The following SPSB4 variants were observed in gnomAD, a reference collection of about 807,000 sequenced individuals.
SPSB4 encodes SPRY domain-containing SOCS box protein 4.
Under a neutral mutation model 20.9 loss-of-function variants are expected in SPSB4, and 21 were observed. The ratio of observed to expected loss-of-function variants is 1.01; its 90% CI spans 0.71 to 1.45. The LOEUF (loss-of-function observed/expected upper bound fraction) is 1.45. Among genes scored for constraint, SPSB4 ranks in the 40% most tolerant of loss-of-function variants. The probability of loss-of-function intolerance (pLI) is 0.00; values close to 1 mark genes in which losing one functional copy is unlikely to be tolerated. For missense variants in SPSB4, 399 were observed against 399.2 expected (o/e 1.00, Z 0.00); for synonymous variants, 207 against 183.8 (o/e 1.13, Z -1.02).
chr3:141,112,594 G>C (rs904488362), intron 2 of SPSB4, among the ~76,000 whole-genome samples: 1 of 131,912 alleles, frequency 7.6e-6, no homozygotes, highest in Non-Finnish European at 1.5e-5. Flanking sequence ...GCAGTGAGCC[G>C]AGATCCCGCC....
At chr3:141,144,693 T>G (rs754416217) in intron 2 of SPSB4, among the ~76,000 whole-genome samples, 31 of 152,170 alleles carry the variant, frequency 2.0e-4, no homozygotes, top group Non-Finnish European at 4.3e-4. Context: ...CCTTCTTCCT[T>G]TGGAATTTAG....
chr3:141,093,969 G>A (rs1196463583), intron 2 of SPSB4, among the ~76,000 whole-genome samples: 1 of 152,212 alleles, frequency 6.6e-6, no homozygotes, highest in Non-Finnish European at 1.5e-5. Context: ...GTGGAGGCTA[G>A]CAGCACCAGC....
chr3:141,112,157 G>T (rs1336870819), intron 2 of SPSB4, among the ~76,000 whole-genome samples: 3 of 152,248 alleles, frequency 2.0e-5, no homozygotes, highest in Non-Finnish European at 4.4e-5. Flanking sequence ...CCCTTAGGCA[G>T]GTGGTGACCC....
At chr3:141,091,802 G>A (rs1403630452) in intron 2 of SPSB4, among the ~76,000 whole-genome samples, 15 of 152,218 alleles carry the variant, frequency 9.9e-5, no homozygotes, top group Non-Finnish European at 1.3e-4. Flanking sequence ...CCAGGGGCCC[G>A]GGTTCATGCT....
chr3:141,115,507 C>A (rs1003572480), intron 2 of SPSB4, among the ~76,000 whole-genome samples: 6 of 152,220 alleles, frequency 3.9e-5, no homozygotes, highest in Non-Finnish European at 7.3e-5. Context: ...CTGCTCCCCA[C>A]TATTCAGTTA....
At chr3:141,142,970 C>T (rs1349383978) in intron 2 of SPSB4, among the ~76,000 whole-genome samples, 1 of 151,792 alleles carries the variant, frequency 6.6e-6, no homozygotes, top group Non-Finnish European at 1.5e-5. Context: ...GCACCCGCCA[C>T]CACGCCCAGC....
At chr3:141,103,465 C>T (rs1371508772) in intron 2 of SPSB4, among the ~76,000 whole-genome samples, 3 of 152,170 alleles carry the variant, frequency 2.0e-5, no homozygotes, top group Non-Finnish European at 4.4e-5. Flanking sequence ...CAATCCTGAC[C>T]CTGAAAATGA....
chr3:141,062,290 C>T (rs566739699), intron 1 of SPSB4, among the ~76,000 whole-genome samples: 5 of 152,092 alleles, frequency 3.3e-5, no homozygotes, highest in African/African-American at 9.6e-5. Context: ...CAAGGGTACA[C>T]ACTATCAACA....
intron 2 of SPSB4, among the ~76,000 whole-genome samples, chr3:141,099,745 G>C (rs142804121): frequency 6.6e-6 from 1 of 152,310 alleles, no homozygotes; most frequent in East Asian, 1.9e-4. Context: ...TGTTGGGAAG[G>C]TGTTTTATTG....
intron 2 of SPSB4, among the ~76,000 whole-genome samples, chr3:141,090,513 G>A (rs1938431052): frequency 6.6e-6 from 1 of 152,172 alleles, no homozygotes; most frequent in Admixed American, 6.5e-5. Context: ...AAAAAAACTT[G>A]AAAGAGGGGA....
At chr3:141,144,923 T>C (rs962115155) in intron 2 of SPSB4, among the ~76,000 whole-genome samples, 1 of 152,214 alleles carries the variant, frequency 6.6e-6, no homozygotes, top group Non-Finnish European at 1.5e-5. Context: ...TCAGTTTTCC[T>C]GATGCCAGAT....
intron 2 of SPSB4, among the ~76,000 whole-genome samples, chr3:141,105,540 C>T (rs1253703597): frequency 6.6e-6 from 1 of 152,222 alleles, no homozygotes; most frequent in East Asian, 1.9e-4. Context: ...CCCGAGGATG[C>T]AGCAGCCCTG....
intron 2 of SPSB4, among the ~76,000 whole-genome samples, chr3:141,111,747 C>G (rs1938800858): frequency 6.6e-6 from 1 of 152,044 alleles, no homozygotes; most frequent in Non-Finnish European, 1.5e-5. Context: ...GTGTTTGGGT[C>G]CTCGGAAAAA....
intron 2 of SPSB4, among the ~76,000 whole-genome samples, chr3:141,141,498 A>G (rs1254634795): frequency 6.6e-6 from 1 of 152,140 alleles, no homozygotes; most frequent in African/African-American, 2.4e-5. Flanking sequence ...TCAATATTAC[A>G]TATTAAACTG....
chr3:141,089,974 G>A (rs1332575847), intron 2 of SPSB4, among the ~76,000 whole-genome samples: 4 of 152,054 alleles, frequency 2.6e-5, no homozygotes, highest in African/African-American at 4.8e-5. Context: ...GTCTTGGTTG[G>A]TGTTGGCCAC....
rs574355765 is a variant in SPSB4 at position 141,087,175 on chromosome 3, G to A, written c.694+20377G>A. Among the ~76,000 whole-genome samples the A allele has an allele frequency of 2.0e-5, 3 of 152,280 alleles. No individual in the cohort carries two copies. The East Asian group carries it at 5.8e-4, about 29-fold the overall frequency. ...TGAGCTCTCTGAGCCTATCTTGAAGGGGGCTGTCCTTCTGGGGCTGGCGTA... is the reference window on the plus strand; with the variant it reads ...TGAGCTCTCTGAGCCTATCTTGAAGAGGGCTGTCCTTCTGGGGCTGGCGTA... On this transcript the variant is annotated intron_variant, in intron 2 of 2. Coordinates refer to ENST00000310546, the MANE Select transcript of SPSB4 (RefSeq NM_080862.3).
At chr3:141,093,576 TG>T (rs1179808586) in intron 2 of SPSB4, among the ~76,000 whole-genome samples, 2 of 152,132 alleles carry the variant, frequency 1.3e-5, no homozygotes, top group African/African-American at 2.4e-5. Flanking sequence ...TTGAGACCCA[TG>T]GTGGATTAGT....
chr3:141,081,656 G>A (rs144446566), intron 2 of SPSB4, among the ~76,000 whole-genome samples: 2 of 151,730 alleles, frequency 1.3e-5, no homozygotes, highest in Non-Finnish European at 2.9e-5. Flanking sequence ...GCGGGGGGAG[G>A]GGCAGCTGTG....
At chr3:141,138,105 T>G (rs1939258645) in intron 2 of SPSB4, among the ~76,000 whole-genome samples, 1 of 152,266 alleles carries the variant, frequency 6.6e-6, no homozygotes, top group Non-Finnish European at 1.5e-5. Flanking sequence ...CTTCTAGATA[T>G]TCTAGTTTAT....
Sources: allele counts gnomAD v4.1 joint callset (sites outside exome capture counted in the v4.1 genomes callset), GRCh38; gene constraint gnomAD v4.1.1; transcripts MANE v1.5; gene names NCBI Gene and HGNC (gene_info 2026-07-23, HGNC 2026-07-21).